Variants in PPFIA2 observed in about 807,000 individuals in gnomAD.
The protein encoded by PPFIA2 is liprin-alpha-2.
Under a neutral mutation model 175.5 loss-of-function variants are expected in PPFIA2, and 46 were observed. The ratio of observed to expected loss-of-function variants is 0.26; its 90% CI spans 0.21 to 0.34. The LOEUF is 0.34. PPFIA2 is among the 10% of genes least tolerant of loss of function. The pLI is 1.00. For missense variants in PPFIA2, 1,179 were observed against 1,506.1 expected (o/e 0.78, Z 3.60); for synonymous variants, 568 against 511.4 (o/e 1.11, Z -1.49).
intron 4 of PPFIA2, among the ~76,000 whole-genome samples, chr12:81,559,053 C>A (rs943301991): frequency 6.6e-6 from 1 of 152,184 alleles, no homozygotes; most frequent in African/African-American, 2.4e-5. Flanking sequence ...ATTAAGAAAT[C>A]TTTGAACCAT....
At chr12:81,498,655 C>T (rs565374410) in intron 4 of PPFIA2, among the ~76,000 whole-genome samples, 37 of 152,250 alleles carry the variant, frequency 2.4e-4, no homozygotes, top group African/African-American at 8.7e-4. Context: ...GACGGAGTCT[C>T]ACTCTGTCAC....
chr12:81,661,419 C>T (rs2068846127), intron 4 of PPFIA2, among the ~76,000 whole-genome samples: 1 of 152,142 alleles, frequency 6.6e-6, no homozygotes. Flanking sequence ...GTAAAACAGA[C>T]TTTAAACCAA....
At chr12:81,637,120 A>G (rs2064174615) in intron 4 of PPFIA2, among the ~76,000 whole-genome samples, 5 of 149,318 alleles carry the variant, frequency 3.3e-5, no homozygotes, top group African/African-American at 9.9e-5. Context: ...CCCAGGCTGG[A>G]GTGCAATGGT....
chr12:81,676,344 G>C (rs1209327184), intron 4 of PPFIA2, among the ~76,000 whole-genome samples: 1 of 151,850 alleles, frequency 6.6e-6, no homozygotes, highest in Non-Finnish European at 1.5e-5. Flanking sequence ...AGAAACTTTA[G>C]AACACTTTAT....
intron 7 of PPFIA2, among the ~76,000 whole-genome samples, chr12:81,415,600 A>G (rs1006416624): frequency 4.6e-5 from 7 of 150,786 alleles, no homozygotes; most frequent in African/African-American, 1.7e-4. Context: ...TCTTTAAATT[A>G]ATATTTAAAG....
intron 24 of PPFIA2, among the ~76,000 whole-genome samples, chr12:81,291,733 C>A (rs2045077816): frequency 6.6e-6 from 1 of 151,754 alleles, no homozygotes; most frequent in South Asian, 2.1e-4. Context: ...GCTTTGGGGG[C>A]TCAGCAAAAG....
intron 6 of PPFIA2, among the ~76,000 whole-genome samples, chr12:81,440,881 T>C (rs1170023081): frequency 6.6e-6 from 1 of 150,646 alleles, no homozygotes; most frequent in Non-Finnish European, 1.5e-5. Flanking sequence ...TGAATGACTA[T>C]AGCAGTTTAA....
intron 22 of PPFIA2, among the ~76,000 whole-genome samples, chr12:81,305,698 C>G (rs1249769460): frequency 6.6e-6 from 1 of 152,136 alleles, no homozygotes; most frequent in Non-Finnish European, 1.5e-5. Flanking sequence ...ATGTACACAG[C>G]CTTATTTCCG....
intron 17 of PPFIA2, among the ~76,000 whole-genome samples, chr12:81,351,142 G>T (rs140205496): frequency 1.2e-3 from 190 of 152,112 alleles, no homozygotes; most frequent in Non-Finnish European, 2.2e-3. Flanking sequence ...ATGTTAATTT[G>T]TCCAATTTCA....
chr12:81,639,071 C>G (rs1246007489), intron 4 of PPFIA2, among the ~76,000 whole-genome samples: 1 of 152,162 alleles, frequency 6.6e-6, no homozygotes, highest in Non-Finnish European at 1.5e-5. Context: ...TGTCACTTTT[C>G]TTTTCCTTCC....
intron 4 of PPFIA2, chr12:81,597,943 C>A: frequency 6.5e-7 from 1 of 1,534,314 alleles, no homozygotes; most frequent in Non-Finnish European, 8.7e-7. Context: ...CCATTTAAAG[C>A]ACACTTACTT....
In PPFIA2 at chr12:81,659,572, G is replaced by A. The variant is rs191996152; in HGVS notation, c.303+17219C>T. Among the ~76,000 whole-genome samples the A allele has an allele frequency of 1.2e-3, 182 of 152,280 alleles. 1 individual carries two copies. The highest frequency in any genetic ancestry group is 1.1e-3 in the Non-Finnish European group (72 of 68,024). On this transcript the variant is annotated intron_variant, in intron 4 of 32. Coordinates refer to ENST00000549396, the MANE Select transcript of PPFIA2 (RefSeq NM_003625.5). ...AGCAGCGGGGAAGCTAGAACTGGGT[G>A]GAGCCCACTGCAGCTCAAGGAGGCC...
intron 4 of PPFIA2, among the ~76,000 whole-genome samples, chr12:81,654,801 C>T (rs373623632): frequency 1.3e-5 from 2 of 152,130 alleles, no homozygotes; most frequent in East Asian, 1.9e-4. Flanking sequence ...CAATTTGTTA[C>T]GCAGCAATAG....
chr12:81,394,597 T>A (rs1180538584), intron 8 of PPFIA2, among the ~76,000 whole-genome samples: 2 of 151,918 alleles, frequency 1.3e-5, no homozygotes, highest in Non-Finnish European at 2.9e-5. Flanking sequence ...AAGTGGAAGT[T>A]GAACAACGAG....
At chr12:81,279,790 T>C (rs922598070) in intron 27 of PPFIA2, among the ~76,000 whole-genome samples, 2 of 152,042 alleles carry the variant, frequency 1.3e-5, no homozygotes, top group Non-Finnish European at 2.9e-5. Flanking sequence ...AAACGTGAAA[T>C]ATGAAGCCCT....
intron 8 of PPFIA2, among the ~76,000 whole-genome samples, chr12:81,394,707 G>A (rs2142386877): frequency 6.6e-6 from 1 of 151,864 alleles, no homozygotes; most frequent in South Asian, 2.1e-4. Context: ...TAATGCATGT[G>A]GGGCTTAAAA....
At chr12:81,302,100 G>A in intron 22 of PPFIA2, 1 of 330,528 alleles carries the variant, frequency 3.0e-6, no homozygotes, top group Admixed American at 4.1e-5. Flanking sequence ...GCCAATCAGT[G>A]TTTATATTTA....
chr12:81,414,424 C>G (rs1046246194), intron 7 of PPFIA2, among the ~76,000 whole-genome samples: 4 of 151,616 alleles, frequency 2.6e-5, no homozygotes, highest in African/African-American at 9.7e-5. Flanking sequence ...AACTCGTATA[C>G]AGCATAAGCA....
At chr12:81,706,830 T>C (rs953423137) in intron 3 of PPFIA2, among the ~76,000 whole-genome samples, 1 of 152,006 alleles carries the variant, frequency 6.6e-6, no homozygotes, top group Non-Finnish European at 1.5e-5. Flanking sequence ...GAGATACAGA[T>C]CAATGGAACA....
Sources: allele counts gnomAD v4.1 joint callset (sites outside exome capture counted in the v4.1 genomes callset), GRCh38; gene constraint gnomAD v4.1.1; transcripts MANE v1.5; gene names NCBI Gene and HGNC (gene_info 2026-07-23, HGNC 2026-07-21).